The following KCNQ3 variants were observed in gnomAD, a reference collection of about 807,000 sequenced individuals.
KCNQ3 encodes the protein potassium voltage-gated channel subfamily KQT member 3.
KCNQ3 carries 30 observed loss-of-function variants against 92.5 expected under a neutral mutation model. That is an observed-to-expected ratio of 0.32 (90% CI 0.24 to 0.44). KCNQ3 has a LOEUF of 0.44. Ranked by LOEUF, KCNQ3 falls within the 20% of genes least tolerant of loss-of-function variation. KCNQ3 has a pLI of 1.00. For synonymous variants in KCNQ3, 450 were observed against 468.8 expected, an observed-to-expected ratio of 0.96 and a Z score of 0.52; for missense variants, 913 against 1,140.3, an observed-to-expected ratio of 0.80 and a Z score of 2.87.
At chr8:132,438,573 G>C (rs373083649) in intron 1 of KCNQ3, among the ~76,000 whole-genome samples, 1 of 152,108 alleles carries the variant, frequency 6.6e-6, no homozygotes, top group Non-Finnish European at 1.5e-5. Flanking sequence ...GTGTGGGTGC[G>C]GCTGCTTGGT....
intron 1 of KCNQ3, among the ~76,000 whole-genome samples, chr8:132,377,941 A>G (rs1819653795): frequency 6.6e-6 from 1 of 152,196 alleles, no homozygotes; most frequent in Admixed American, 6.5e-5. Flanking sequence ...CATTGCCACA[A>G]ATAGGGCCCA....
chr8:132,339,109 AC>A (rs2130680211), intron 1 of KCNQ3, among the ~76,000 whole-genome samples: 1 of 152,252 alleles, frequency 6.6e-6, no homozygotes, highest in Non-Finnish European at 1.5e-5. Context: ...CTCTTGTTCT[AC>A]CATTAATCAG....
At chr8:132,398,909 T>C (rs1271413344) in intron 1 of KCNQ3, among the ~76,000 whole-genome samples, 1 of 152,170 alleles carries the variant, frequency 6.6e-6, no homozygotes, top group Non-Finnish European at 1.5e-5. Context: ...TGAGACAGCC[T>C]AAGTTAAAGG....
intron 1 of KCNQ3, among the ~76,000 whole-genome samples, chr8:132,256,154 T>C (rs923557472): frequency 6.6e-6 from 1 of 151,784 alleles, no homozygotes; most frequent in Non-Finnish European, 1.5e-5. Context: ...TCATACCAAA[T>C]AGGTTATATT....
At chr8:132,164,084 TGG>T (rs1826070628) in intron 8 of KCNQ3, among the ~76,000 whole-genome samples, 2 of 152,074 alleles carry the variant, frequency 1.3e-5, no homozygotes, top group Non-Finnish European at 2.9e-5. Flanking sequence ...CACTCCTAAC[TGG>T]GAGGTGCACC....
intron 1 of KCNQ3, among the ~76,000 whole-genome samples, chr8:132,342,133 C>T (rs547559653): frequency 1.2e-4 from 19 of 152,076 alleles, no homozygotes; most frequent in South Asian, 4.2e-4. Context: ...TAAATGTGGA[C>T]GGAGGATGAT....
chr8:132,168,661 C>A (rs898535380), intron 8 of KCNQ3, among the ~76,000 whole-genome samples: 1 of 151,230 alleles, frequency 6.6e-6, no homozygotes, highest in Non-Finnish European at 1.5e-5. Flanking sequence ...TTGCAATTCT[C>A]TTCTATTTCC....
chr8:132,430,501 G>T (rs965522281), intron 1 of KCNQ3, among the ~76,000 whole-genome samples: 3 of 152,126 alleles, frequency 2.0e-5, no homozygotes, highest in African/African-American at 7.2e-5. Flanking sequence ...CCTTCCACTG[G>T]GCTCCATTTT....
chr8:132,385,796 C>CA (rs906829452), intron 1 of KCNQ3, among the ~76,000 whole-genome samples: 1 of 151,582 alleles, frequency 6.6e-6, no homozygotes, highest in African/African-American at 2.4e-5. Flanking sequence ...TAGCAAAAAA[C>CA]AAAAAATATA....
intron 1 of KCNQ3, among the ~76,000 whole-genome samples, chr8:132,246,375 G>A (rs889402121): frequency 6.6e-6 from 1 of 152,254 alleles, no homozygotes; most frequent in African/African-American, 2.4e-5. Context: ...AAGCTACAAA[G>A]TTAACAGAAA....
At chr8:132,316,840 A>G (rs1209611224) in intron 1 of KCNQ3, among the ~76,000 whole-genome samples, 1 of 152,228 alleles carries the variant, frequency 6.6e-6, no homozygotes, top group Non-Finnish European at 1.5e-5. Flanking sequence ...TCTGGCAATA[A>G]TGGACTTATC....
intron 1 of KCNQ3, among the ~76,000 whole-genome samples, chr8:132,446,309 C>A (rs1370964017): frequency 6.6e-6 from 1 of 152,188 alleles, no homozygotes; most frequent in African/African-American, 2.4e-5. Context: ...AAAGACTGTG[C>A]AAAACAGCTT....
In KCNQ3 at chr8:132,251,748, A is replaced by G. The variant is rs561043588; in HGVS notation, c.387-65567T>C. Reference sequence around the variant, plus strand: ...TTCTTTCTGGAAGAAGGCCTCCTATAAAACAGCTCAGTCAGAGAATGCTTA... The same window carrying G: ...TTCTTTCTGGAAGAAGGCCTCCTATGAAACAGCTCAGTCAGAGAATGCTTA... On this transcript the variant is annotated intron_variant, in intron 1 of 14. Transcript: ENST00000388996. 2.6e-5 allele frequency among the ~76,000 whole-genome samples: 4 copies of G among 152,320 alleles called. No homozygotes were observed. In the South Asian group the frequency reaches 8.3e-4, roughly 32 times the overall value.
intron 1 of KCNQ3, among the ~76,000 whole-genome samples, chr8:132,264,213 C>T (rs966588265): frequency 6.6e-6 from 1 of 152,158 alleles, no homozygotes; most frequent in Non-Finnish European, 1.5e-5. Context: ...CAGATCTCCC[C>T]CAGGCCAGCC....
intron 1 of KCNQ3, among the ~76,000 whole-genome samples, chr8:132,224,524 G>A (rs1483756942): frequency 2.0e-5 from 3 of 152,178 alleles, no homozygotes; most frequent in East Asian, 1.9e-4. Context: ...CTCCACTGGT[G>A]AGATCTGACT....
chr8:132,330,170 G>A lies in KCNQ3; in HGVS notation c.387-143989C>T, dbSNP rs139892151. On this transcript the variant is annotated intron_variant, in intron 1 of 14. Transcript: ENST00000388996. ...GATGGAGTGGAGACTGCAGTGATAT[G>A]GCCACAAGCCCAGGAATGCTGGGGC... Among the ~76,000 whole-genome samples, 525 of 152,286 alleles carry A rather than the reference G, an allele frequency of 3.4e-3. 3 individuals carry two copies. The highest frequency in any genetic ancestry group is 0.012 in the African/African-American group (498 of 41,544).
chr8:132,293,999 G>GTGT (rs61040125), intron 1 of KCNQ3, among the ~76,000 whole-genome samples: 3 of 87,782 alleles, frequency 3.4e-5, no homozygotes, highest in Admixed American at 1.4e-4. Context: ...GTGTGTGTGT[G>GTGT]GTTTTTTTTT....
chr8:132,238,969 G>A (rs138567504), intron 1 of KCNQ3, among the ~76,000 whole-genome samples: 90 of 152,344 alleles, frequency 5.9e-4, no homozygotes, highest in African/African-American at 2.2e-3. Context: ...GAAGGCTCTG[G>A]AGGTAAAGAC....
Position 132,480,658 on chromosome 8 carries a change from G to A in KCNQ3, c.-126C>T. 9.8e-7 allele frequency: 1 copy of A among 1,022,562 alleles called. No individual in the cohort carries two copies. Among genetic ancestry groups the A allele is most frequent in the Non-Finnish European group, 1.2e-6 (1 of 835,108 alleles). The allele number at this position is 1,022,562 out of a possible 1,614,324, so 63.3% of individuals were successfully genotyped here. On this transcript the variant is annotated 5_prime_UTR_variant, in exon 1 of 15. Transcript: ENST00000388996. The stretch of plus-strand genomic sequence containing the variant: ...CGGGAACTCCAATGCCATGATCCGC[G>A]CGCCCCTCCCCACCCCCCCCCAAAA...
Sources: gnomAD v4.1 joint callset for allele counts (sites outside exome capture counted in the v4.1 genomes callset) on GRCh38, gnomAD v4.1.1 for gene constraint, MANE v1.5 for transcripts, NCBI Gene and HGNC (gene_info 2026-07-23, HGNC 2026-07-21) for gene names.